Variants in GRIP1 observed in about 807,000 individuals in gnomAD.
GRIP1 encodes the protein glutamate receptor interacting protein 1.
In GRIP1, 45 loss-of-function variants were observed where a neutral mutation model predicts 129.9. The ratio of observed to expected loss-of-function variants is 0.35; its 90% CI spans 0.27 to 0.44. GRIP1 has a LOEUF of 0.44. Ranked by LOEUF, GRIP1 falls within the 20% of genes least tolerant of loss-of-function variation. The pLI is 1.00. For missense variants in GRIP1, 1,196 were observed against 1,396.8 expected (o/e 0.86, Z 2.29); for synonymous variants, 530 against 520.8 (o/e 1.02, Z -0.24).
intron 1 of GRIP1, among the ~76,000 whole-genome samples, chr12:66,961,771 C>T (rs548387266): frequency 7.2e-5 from 11 of 152,252 alleles, no homozygotes; most frequent in African/African-American, 2.4e-4. Context: ...AGGGCAAGTG[C>T]AGGTTTACTC....
chr12:66,903,455 T>G (rs1995503), intron 1 of GRIP1, among the ~76,000 whole-genome samples: 39,425 of 151,976 alleles, frequency 0.26, 5,525 homozygotes, highest in East Asian at 0.45. Context: ...TATGTCCTAC[T>G]CCTCACCTAC....
Position 66,347,972 on chromosome 12 carries a change from C to T in GRIP1, c.*1047G>A, listed in dbSNP as rs1279416449. ...TTCAAAATATCTGAACAAATGAAAA[C>T]AGTTGCTGACAAACATTTAAAGCAA... On this transcript the variant is annotated 3_prime_UTR_variant, in exon 25 of 25. Transcript: ENST00000359742. The T allele has an allele frequency of 1.3e-5, 2 of 152,090 alleles. No individual in the cohort carries two copies. The highest frequency in any genetic ancestry group is 1.3e-4 in the Admixed American group (2 of 15,274). 9.4% of individuals were successfully genotyped at this position (152,090 alleles called of 1,614,324 possible).
chr12:67,020,576 A>T (rs187886036), intron 1 of GRIP1, among the ~76,000 whole-genome samples: 1,696 of 152,070 alleles, frequency 0.011, 14 homozygotes, highest in African/African-American at 0.014. Context: ...CAAATTTTTT[A>T]AAATGTTTTG....
chr12:67,009,201 T>C (rs1041219434), intron 1 of GRIP1, among the ~76,000 whole-genome samples: 1 of 152,138 alleles, frequency 6.6e-6, no homozygotes, highest in Admixed American at 6.6e-5. Context: ...TTGTTTCCCC[T>C]GGGAATCAAG....
Position 66,760,489 on chromosome 12 carries a change from G to C in GRIP1, c.-420+43564C>G, listed in dbSNP as rs181164298. ...AGCACTTCTTACGTGGCGGTGGCAA[G>C]AGAAAAATGAAAAAGCAAAAGCAGA... On this transcript the variant is annotated intron_variant, in intron 1 of 4. Transcript: ENST00000538373. Among the ~76,000 whole-genome samples the C allele has an allele frequency of 1.6e-3, 243 of 152,274 alleles. 2 individuals are homozygous for C. Among genetic ancestry groups the C allele is most frequent in the African/African-American group, 4.9e-3 (205 of 41,550 alleles).
intron 1 of GRIP1, among the ~76,000 whole-genome samples, chr12:66,873,667 G>T (rs1169968095): frequency 1.3e-5 from 2 of 152,004 alleles, no homozygotes; most frequent in African/African-American, 4.8e-5. Flanking sequence ...TATATAGTTT[G>T]TATTTTCTTC....
At chr12:66,790,229 C>T (rs1210666118) in intron 1 of GRIP1, among the ~76,000 whole-genome samples, 1 of 152,172 alleles carries the variant, frequency 6.6e-6, no homozygotes, top group Non-Finnish European at 1.5e-5. Context: ...ATTCTGGACT[C>T]CAAGCTAATA....
Position 66,482,292 on chromosome 12 carries a change from C to A in GRIP1, c.725-16870G>T, listed in dbSNP as rs546672459. Among the ~76,000 whole-genome samples, 11 of 152,236 alleles carry A rather than the reference C, an allele frequency of 7.2e-5. No homozygotes were observed. The South Asian group carries it at 1.7e-3, about 23-fold the overall frequency. On this transcript the variant is annotated intron_variant, in intron 7 of 24. Transcript: ENST00000359742. ...TGGCAGTGTCAGTGAGACTTCTAGG[C>A]ATCTGAGGATGCTGAGCCTGATGAG... is the stretch of plus-strand genomic sequence containing the variant.
intron 1 of GRIP1, among the ~76,000 whole-genome samples, chr12:66,913,229 T>C (rs2041062331): frequency 6.6e-6 from 1 of 152,228 alleles, no homozygotes; most frequent in Non-Finnish European, 1.5e-5. Flanking sequence ...TCAAAGCTTT[T>C]AATTAGCTCA....
At chr12:66,886,373 C>T (rs1488017321) in intron 1 of GRIP1, among the ~76,000 whole-genome samples, 2 of 152,116 alleles carry the variant, frequency 1.3e-5, no homozygotes, top group East Asian at 3.8e-4. Context: ...AAGTGAAAAA[C>T]TGTGCATTAT....
chr12:66,434,368 C>T (rs748454097), intron 13 of GRIP1, among the ~76,000 whole-genome samples: 27 of 152,176 alleles, frequency 1.8e-4, no homozygotes, highest in Non-Finnish European at 3.7e-4. Flanking sequence ...GTGAGTGTCA[C>T]GGACTGAGTT....
chr12:66,561,872 T>C (rs916837781), intron 2 of GRIP1, among the ~76,000 whole-genome samples: 4 of 152,114 alleles, frequency 2.6e-5, no homozygotes, highest in South Asian at 2.1e-4. Context: ...GGTGGGAGGA[T>C]TGCTTGAGCT....
At chr12:66,692,772 TAA>T (rs1458078919) in intron 1 of GRIP1, among the ~76,000 whole-genome samples, 4 of 152,122 alleles carry the variant, frequency 2.6e-5, no homozygotes, top group African/African-American at 9.7e-5. Flanking sequence ...AGCACAGTGA[TAA>T]GAGTGTGGGC....
intron 2 of GRIP1, among the ~76,000 whole-genome samples, chr12:66,566,028 C>T (rs183316563): frequency 2.0e-5 from 3 of 152,126 alleles, no homozygotes; most frequent in African/African-American, 4.8e-5. Context: ...TGGGCTGAGA[C>T]GATGGGGTTT....
intron 1 of GRIP1, among the ~76,000 whole-genome samples, chr12:67,025,234 G>C (rs1013646094): frequency 2.6e-5 from 4 of 152,114 alleles, no homozygotes; most frequent in African/African-American, 9.7e-5. Flanking sequence ...CCAGCTACTT[G>C]GGAGGCTGAG....
intron 1 of GRIP1, among the ~76,000 whole-genome samples, chr12:66,889,051 A>G (rs1439981993): frequency 2.0e-5 from 3 of 152,240 alleles, no homozygotes; most frequent in African/African-American, 7.2e-5. Context: ...TGTCCAAAGA[A>G]ATAAAGTCAG....
intron 13 of GRIP1, among the ~76,000 whole-genome samples, chr12:66,436,887 G>A (rs1369956023): frequency 6.6e-6 from 1 of 150,650 alleles, no homozygotes; most frequent in Non-Finnish European, 1.5e-5. Context: ...TTGGGAGGCT[G>A]AGGCACAAGA....
chr12:66,835,816 T>A (rs2039602827), intron 1 of GRIP1, among the ~76,000 whole-genome samples: 1 of 152,156 alleles, frequency 6.6e-6, no homozygotes, highest in African/African-American at 2.4e-5. Context: ...CATTGGTGCA[T>A]ACATGTCATC....
At chr12:67,011,082 C>T (rs896247264) in intron 1 of GRIP1, among the ~76,000 whole-genome samples, 2 of 152,180 alleles carry the variant, frequency 1.3e-5, no homozygotes, top group Non-Finnish European at 2.9e-5. Context: ...TCCAGAGTGG[C>T]ACATCCAACC....
Sources: allele counts gnomAD v4.1 joint callset (sites outside exome capture counted in the v4.1 genomes callset), GRCh38; gene constraint gnomAD v4.1.1; transcripts MANE v1.5; gene names NCBI Gene and HGNC (gene_info 2026-07-23, HGNC 2026-07-21).